SP6: variants seen among roughly 807,000 people sequenced by gnomAD.
SP6 encodes the protein Sp6 transcription factor.
SP6 carries 10 observed loss-of-function variants against 23.4 expected under a neutral mutation model. That is an observed-to-expected ratio of 0.43 (90% CI 0.26 to 0.72). The LOEUF (loss-of-function observed/expected upper bound fraction) is 0.72. SP6 is among the 30% of genes least tolerant of loss of function. The probability of loss-of-function intolerance (pLI) is 0.23; values close to 1 mark genes in which losing one functional copy is unlikely to be tolerated. For missense variants in SP6, 482 were observed against 523.8 expected (o/e 0.92, Z 0.78); for synonymous variants, 238 against 238.7 (o/e 1.00, Z 0.03).
chr17:47,847,049 A>C lies in SP6; in HGVS notation c.*250T>G. The C allele has an allele frequency of 6.0e-6, 3 of 495,892 alleles. No individual in the cohort carries two copies. The highest frequency in any genetic ancestry group is 7.1e-6 in the Non-Finnish European group (2 of 282,178). The allele number at this position is 495,892 out of a possible 1,614,324, so 30.7% of individuals were successfully genotyped here. On this transcript the variant is annotated 3_prime_UTR_variant, in exon 2 of 2. Transcript: ENST00000536300. ...AACCCCCCAGCCCAGGGGCGAGGGA[A>C]ACTGTGAGGCAGGGGAGAACAGAGG...
the SP6 span, among the ~76,000 whole-genome samples, chr17:47,869,603 C>T: frequency 6.6e-6 from 1 of 152,194 alleles, no homozygotes; most frequent in African/African-American, 2.4e-5. Context: ...GTGAAAGAGG[C>T]TGGCTCTAAA....
At chr17:47,860,771 A>AC (rs2034030539), upstream of SP6, among the ~76,000 whole-genome samples, 1 of 152,054 alleles carries the variant, frequency 6.6e-6, no homozygotes, top group South Asian at 2.1e-4. Flanking sequence ...CACATCACTG[A>AC]GAGTTGGCCT....
chr17:47,859,326 A>G (rs1446751554), upstream of SP6, among the ~76,000 whole-genome samples: 1 of 152,172 alleles, frequency 6.6e-6, no homozygotes, highest in Non-Finnish European at 1.5e-5. Context: ...TGGAAAGCAC[A>G]TTATCCTTCA....
the SP6 span, among the ~76,000 whole-genome samples, chr17:47,871,042 C>T: frequency 2.0e-5 from 3 of 152,146 alleles, no homozygotes; most frequent in Middle Eastern, 3.2e-3. Flanking sequence ...TCATAACCCT[C>T]GATCGAGTAT....
chr17:47,859,198 G>A (rs1043971790), upstream of SP6, among the ~76,000 whole-genome samples: 2 of 152,142 alleles, frequency 1.3e-5, no homozygotes, highest in Non-Finnish European at 2.9e-5. Context: ...CTCTCCCGCT[G>A]GTCCTCATAC....
chr17:47,863,926 G>C, the SP6 span, among the ~76,000 whole-genome samples: 2 of 150,832 alleles, frequency 1.3e-5, no homozygotes, highest in Non-Finnish European at 2.9e-5. Flanking sequence ...TTTTAGTAGA[G>C]ATGGGGTTTC....
chr17:47,860,518 C>T (rs2034028056), upstream of SP6, among the ~76,000 whole-genome samples: 1 of 151,866 alleles, frequency 6.6e-6, no homozygotes, highest in African/African-American at 2.4e-5. Flanking sequence ...GAATTTACAC[C>T]CTTTGCAGAG....
At chr17:47,860,501 C>T (rs1258033760), upstream of SP6, among the ~76,000 whole-genome samples, 1 of 152,108 alleles carries the variant, frequency 6.6e-6, no homozygotes, top group Non-Finnish European at 1.5e-5. Flanking sequence ...ATATGTTGCA[C>T]TGGATTGAAT....
upstream of SP6, among the ~76,000 whole-genome samples, chr17:47,853,270 G>A (rs749649710): frequency 3.3e-5 from 5 of 152,184 alleles, no homozygotes; most frequent in Non-Finnish European, 2.9e-5. Context: ...GATCTTTGTG[G>A]CCATGGCTAA....
At chr17:47,873,149 A>G in the SP6 span, among the ~76,000 whole-genome samples, 16 of 152,064 alleles carry the variant, frequency 1.1e-4, no homozygotes, top group African/African-American at 3.9e-4. Context: ...ATCTTCTTTT[A>G]TCTCCCCTTC....
At chr17:47,869,952 T>C in the SP6 span, among the ~76,000 whole-genome samples, 1 of 152,250 alleles carries the variant, frequency 6.6e-6, no homozygotes, top group African/African-American at 2.4e-5. Context: ...GTCTTATGAT[T>C]CCTTTAAGGG....
chr17:47,857,882 T>C (rs1178249003), upstream of SP6, among the ~76,000 whole-genome samples: 2 of 151,980 alleles, frequency 1.3e-5, no homozygotes. Context: ...CAAGCCCCTC[T>C]CTCTTGATCT....
chr17:47,855,186 T>C (rs1671613053), upstream of SP6, among the ~76,000 whole-genome samples: 1 of 152,210 alleles, frequency 6.6e-6, no homozygotes, highest in Non-Finnish European at 1.5e-5. Flanking sequence ...TGCATCTGTA[T>C]GTCGGTGTGT....
In SP6 at chr17:47,847,110, A is replaced by G; in HGVS notation, c.*189T>C. 1 of 627,406 alleles carries G rather than the reference A, an allele frequency of 1.6e-6. No homozygotes were observed. Among genetic ancestry groups the G allele is most frequent in the Non-Finnish European group, 2.7e-6 (1 of 367,548 alleles). 38.9% of individuals were successfully genotyped at this position (627,406 alleles called of 1,614,324 possible). On this transcript the variant is annotated 3_prime_UTR_variant, in exon 2 of 2. Coordinates refer to ENST00000536300, the MANE Select transcript of SP6 (RefSeq NM_001258248.2). ...AGCTCCTACCGACCCAGTCAAATTC[A>G]TCCTGCCTAGTAGCCCCAGAGACTA...
chr17:47,863,710 A>G, the SP6 span, among the ~76,000 whole-genome samples: 4,823 of 149,102 alleles, frequency 0.032, 248 homozygotes, highest in African/African-American at 0.11. Context: ...CTGGGATTAC[A>G]GGCATGTGCC....
Position 47,847,991 on chromosome 17 carries a change from C to T in SP6, c.439G>A (p.Ala147Thr), listed in dbSNP as rs751882697. Reference sequence around the variant, plus strand: ...TAGCCCCCCAAGCCCGCCTGAAGCGCCCCCGGGTGGCCAGGTGAGGTCAGC... The same window carrying T: ...TAGCCCCCCAAGCCCGCCTGAAGCGTCCCCGGGTGGCCAGGTGAGGTCAGC... ...GALTSPGHPG[A>T]LQAGLGGYVG... The change falls in exon 2 of 2, where the codon GCG becomes ACG. Residue 147 changes from alanine (A) to threonine (T), a missense_variant. Around this residue, in one of 3 missense-constraint regions of SP6, gnomAD observed 330 missense variants for 332.3 expected, o/e 0.99. Transcript: ENST00000536300. 5.6e-6 allele frequency: 9 copies of T among 1,596,094 alleles called. No individual in the cohort carries two copies. The highest frequency in any genetic ancestry group is 7.7e-6 in the Non-Finnish European group (9 of 1,171,328).
chr17:47,872,733 C>T, the SP6 span, among the ~76,000 whole-genome samples: 700 of 152,310 alleles, frequency 4.6e-3, 9 homozygotes, highest in African/African-American at 0.016. Flanking sequence ...ACCAGCCCCC[C>T]GGCGGCAAGG....
At chr17:47,862,083 T>G in the SP6 span, among the ~76,000 whole-genome samples, 2 of 150,284 alleles carry the variant, frequency 1.3e-5, no homozygotes, top group African/African-American at 4.9e-5. Context: ...TGGTGGCTCA[T>G]GCCTGTAATC....
upstream of SP6, among the ~76,000 whole-genome samples, chr17:47,858,105 C>T (rs1369319783): frequency 6.6e-6 from 1 of 152,140 alleles, no homozygotes; most frequent in Non-Finnish European, 1.5e-5. Context: ...ACCTCCTCCT[C>T]CCGCCCCTAG....
Sources: gnomAD v4.1 joint callset for allele counts (sites outside exome capture counted in the v4.1 genomes callset) on GRCh38, gnomAD v4.1.1 for gene constraint, gnomAD v4.1.1 regional missense constraint, MANE v1.5 for transcripts, NCBI Gene and HGNC (gene_info 2026-07-23, HGNC 2026-07-21) for gene names.